The following ATP8A2 variants were observed in gnomAD, a reference collection of about 807,000 sequenced individuals.
ATP8A2 encodes the protein phospholipid-transporting ATPase IB.
ATP8A2 carries 100 observed loss-of-function variants against 165.6 expected under a neutral mutation model. The ratio of observed to expected loss-of-function variants is 0.60; its 90% CI spans 0.51 to 0.71. ATP8A2 has a LOEUF of 0.71. Ranked by LOEUF, ATP8A2 falls within the 30% of genes least tolerant of loss-of-function variation. The probability of loss-of-function intolerance (pLI) is 0.00; values close to 1 mark genes in which losing one functional copy is unlikely to be tolerated. For synonymous variants in ATP8A2, 543 were observed against 548.8 expected, an observed-to-expected ratio of 0.99 and a Z score of 0.15; for missense variants, 1,227 against 1,479.5, an observed-to-expected ratio of 0.83 and a Z score of 2.80.
chr13:25,883,243 G>T (rs868590356), intron 33 of ATP8A2, among the ~76,000 whole-genome samples: 4 of 151,978 alleles, frequency 2.6e-5, no homozygotes, highest in African/African-American at 9.7e-5. Context: ...CTCAGAGCTC[G>T]CTGCATACTC....
intron 24 of ATP8A2, among the ~76,000 whole-genome samples, chr13:25,682,124 G>A (rs529142729): frequency 4.5e-4 from 69 of 152,038 alleles, no homozygotes; most frequent in African/African-American, 1.5e-3. Flanking sequence ...CAAAAACCCC[G>A]TGATCACCAT....
At chr13:25,837,782 T>TTGCA (rs1480122149) in intron 29 of ATP8A2, among the ~76,000 whole-genome samples, 1 of 151,786 alleles carries the variant, frequency 6.6e-6, no homozygotes, top group Non-Finnish European at 1.5e-5. Flanking sequence ...ATCACATGAG[T>TTGCA]TGCAGGGGAT....
intron 25 of ATP8A2, among the ~76,000 whole-genome samples, chr13:25,743,500 A>G (rs1353113025): frequency 6.6e-6 from 1 of 152,188 alleles, no homozygotes; most frequent in Non-Finnish European, 1.5e-5. Context: ...TGGTCCAGTA[A>G]AGGGAAAGCG....
At chr13:25,427,889 T>C (rs543420959) in intron 1 of ATP8A2, among the ~76,000 whole-genome samples, 2 of 148,196 alleles carry the variant, frequency 1.3e-5, no homozygotes, top group African/African-American at 5.0e-5. Flanking sequence ...TGAGTCTCTG[T>C]CTCAGAAAAA....
chr13:25,924,121 C>T (rs931301054), intron 33 of ATP8A2, among the ~76,000 whole-genome samples: 3 of 152,194 alleles, frequency 2.0e-5, no homozygotes, highest in African/African-American at 7.2e-5. Context: ...CCTCCTTCCA[C>T]GTTGTCTGCT....
At chr13:25,547,959 C>G (rs568520290) in intron 10 of ATP8A2, among the ~76,000 whole-genome samples, 2 of 152,160 alleles carry the variant, frequency 1.3e-5, no homozygotes, top group Admixed American at 6.5e-5. Context: ...TGCGGTGGCT[C>G]ACACCTGTAA....
At chr13:25,673,220 A>G (rs1048225803) in intron 24 of ATP8A2, among the ~76,000 whole-genome samples, 3 of 152,174 alleles carry the variant, frequency 2.0e-5, no homozygotes, top group African/African-American at 7.2e-5. Context: ...TGTGATTTTC[A>G]GATTGTACTA....
chr13:25,828,216 G>A (rs1038283122), intron 28 of ATP8A2, 24 bp downstream of exon 28: 3 of 1,571,384 alleles, frequency 1.9e-6, no homozygotes. Context: ...ATCTCTATCT[G>A]ATAGCATGCA....
chr13:25,585,846 A>G (rs1019081865), intron 23 of ATP8A2, among the ~76,000 whole-genome samples: 9 of 152,168 alleles, frequency 5.9e-5, no homozygotes, highest in Admixed American at 1.3e-4. Flanking sequence ...TCAGTCCTGT[A>G]TTTCTTGATT....
intron 24 of ATP8A2, among the ~76,000 whole-genome samples, chr13:25,589,919 T>G (rs561609920): frequency 1.8e-4 from 28 of 152,342 alleles, no homozygotes; most frequent in African/African-American, 6.0e-4. Context: ...GATAATACTT[T>G]TATTCATCTA....
rs532413104 is a variant in ATP8A2 at position 25,564,097 on chromosome 13, A to G, written c.1473+66A>G. On this transcript the variant is annotated intron_variant, in intron 16 of 36. Transcript: ENST00000381655. ...CGGTGCAACTTTCTTTTATATATGCATGTAGTATTTTGCAAGTTGCAGTTT... is the reference window on the plus strand; with the variant it reads ...CGGTGCAACTTTCTTTTATATATGCGTGTAGTATTTTGCAAGTTGCAGTTT... 9.3e-6 allele frequency: 11 copies of G among 1,186,844 alleles called. No individual in the cohort carries two copies. The Admixed American group carries it at 1.0e-4, about 11-fold the overall frequency. 73.5% of individuals were successfully genotyped at this position (1,186,844 alleles called of 1,614,324 possible). A position where few individuals can be genotyped will look rare whatever the true frequency, so the allele number is the denominator to read the frequency against.
intron 1 of ATP8A2, among the ~76,000 whole-genome samples, chr13:25,406,403 T>C (rs1278610749): frequency 6.6e-6 from 1 of 152,156 alleles, no homozygotes; most frequent in Non-Finnish European, 1.5e-5. Context: ...GCAGAAACAA[T>C]AGGTAAACTG....
intron 24 of ATP8A2, among the ~76,000 whole-genome samples, chr13:25,609,288 C>T (rs919676034): frequency 1.3e-5 from 2 of 151,630 alleles, no homozygotes; most frequent in African/African-American, 4.8e-5. Flanking sequence ...AGTAGAATAA[C>T]ATAAGAGTAC....
intron 8 of ATP8A2, among the ~76,000 whole-genome samples, chr13:25,541,084 C>T (rs1212863754): frequency 2.6e-5 from 4 of 151,820 alleles, no homozygotes; most frequent in East Asian, 1.9e-4. Context: ...AGGCTGGTCT[C>T]GAACCCCTGA....
intron 25 of ATP8A2, among the ~76,000 whole-genome samples, chr13:25,762,268 CAAAA>C (rs59081934): frequency 9.9e-4 from 41 of 41,304 alleles, no homozygotes; most frequent in South Asian, 9.2e-3. Flanking sequence ...GACTCTGTCT[CAAAA>C]AAAAAAAAAA....
intron 33 of ATP8A2, among the ~76,000 whole-genome samples, chr13:25,960,199 AGG>A (rs1955628335): frequency 6.6e-6 from 1 of 152,164 alleles, no homozygotes; most frequent in Non-Finnish European, 1.5e-5. Flanking sequence ...GACGCTGGGC[AGG>A]GAAGCCCTGC....
At chr13:25,669,792 G>T (rs72474273) in intron 24 of ATP8A2, among the ~76,000 whole-genome samples, 5,323 of 152,218 alleles carry the variant, frequency 0.035, 156 homozygotes, top group East Asian at 0.13. Flanking sequence ...TGTGTGTCTT[G>T]AAATCTTTCA....
intron 24 of ATP8A2, among the ~76,000 whole-genome samples, chr13:25,642,813 A>G (rs868204045): frequency 3.9e-5 from 6 of 152,216 alleles, no homozygotes; most frequent in Admixed American, 1.3e-4. Context: ...GGGACCAATC[A>G]AAATGTCCAA....
At chr13:25,544,859 G>A (rs980225937) in intron 10 of ATP8A2, among the ~76,000 whole-genome samples, 2 of 152,042 alleles carry the variant, frequency 1.3e-5, no homozygotes, top group African/African-American at 2.4e-5. Flanking sequence ...GCCTGGCTAC[G>A]GGGGAGGGGC....
Sources: allele counts gnomAD v4.1 joint callset (sites outside exome capture counted in the v4.1 genomes callset), GRCh38; gene constraint gnomAD v4.1.1; transcripts MANE v1.5; gene names NCBI Gene and HGNC (gene_info 2026-07-23, HGNC 2026-07-21).